Variants in DENND1B observed in about 807,000 individuals in gnomAD.
DENND1B encodes the protein DENN domain-containing protein 1B.
Under a neutral mutation model 90.1 loss-of-function variants are expected in DENND1B, and 59 were observed. That is an observed-to-expected ratio of 0.65 (90% CI 0.53 to 0.81). The LOEUF is 0.81. Ranked by LOEUF, DENND1B falls within the 40% of genes least tolerant of loss-of-function variation. DENND1B has a pLI of 0.00. For missense variants in DENND1B, 862 were observed against 912.6 expected, an observed-to-expected ratio of 0.94 and a Z score of 0.71; for synonymous variants, 337 against 324.6, an observed-to-expected ratio of 1.04 and a Z score of -0.41.
chr1:197,627,207 C>T (rs907116620), intron 10 of DENND1B, among the ~76,000 whole-genome samples: 9 of 152,036 alleles, frequency 5.9e-5, no homozygotes, highest in African/African-American at 1.9e-4. Context: ...ATACCAAAGC[C>T]GGGCAGAGAC....
rs774985797 is a variant in DENND1B at position 197,683,152 on chromosome 1, TG to T, written c.127-8984del. Reference sequence around the variant, plus strand: ...AATACAAGGTATCTTGAAAAGAATATGGGTTACACAGTTGTATGCATATGTC... The same window carrying T: ...AATACAAGGTATCTTGAAAAGAATATGGTTACACAGTTGTATGCATATGTC... On this transcript the variant is annotated intron_variant, in intron 3 of 22. Coordinates refer to ENST00000620048, the MANE Select transcript of DENND1B (RefSeq NM_001195215.2). Among the ~76,000 whole-genome samples, 87 of 152,278 alleles carry T rather than the reference TG, an allele frequency of 5.7e-4. No homozygotes were observed. In the East Asian group the frequency reaches 0.012, roughly 20 times the overall value.
intron 15 of DENND1B, among the ~76,000 whole-genome samples, chr1:197,576,254 G>A (rs2125751820): frequency 6.6e-6 from 1 of 152,260 alleles, no homozygotes; most frequent in South Asian, 2.1e-4. Flanking sequence ...ATGTATGTGT[G>A]AAGGAACATT....
chr1:197,701,002 T>C (rs973990543), intron 3 of DENND1B, among the ~76,000 whole-genome samples: 1 of 152,190 alleles, frequency 6.6e-6, no homozygotes, highest in Non-Finnish European at 1.5e-5. Context: ...AGTTCAACCA[T>C]TGTAGAAGAC....
chr1:197,699,904 G>A (rs1482944653), intron 3 of DENND1B, among the ~76,000 whole-genome samples: 1 of 151,988 alleles, frequency 6.6e-6, no homozygotes, highest in Non-Finnish European at 1.5e-5. Context: ...AGCTAACAAG[G>A]GACGTGAAGG....
At chr1:197,744,484 C>T (rs1248589975) in intron 2 of DENND1B, among the ~76,000 whole-genome samples, 1 of 152,140 alleles carries the variant, frequency 6.6e-6, no homozygotes. Context: ...CAATGAGCAA[C>T]AATATTTTAA....
intron 1 of DENND1B, among the ~76,000 whole-genome samples, chr1:197,774,780 G>A (rs190556007): frequency 1.4e-3 from 206 of 152,320 alleles, no homozygotes; most frequent in Non-Finnish European, 2.4e-3. Flanking sequence ...GGCAGCCCCA[G>A]GAGAGTCACA....
At chr1:197,736,661 T>A (rs1662717601) in intron 2 of DENND1B, among the ~76,000 whole-genome samples, 1 of 152,178 alleles carries the variant, frequency 6.6e-6, no homozygotes, top group African/African-American at 2.4e-5. Context: ...ATTAAAATAA[T>A]AAATTCTATG....
intron 16 of DENND1B, among the ~76,000 whole-genome samples, chr1:197,548,143 G>A (rs1342012117): frequency 6.6e-6 from 1 of 152,130 alleles, no homozygotes; most frequent in South Asian, 2.1e-4. Flanking sequence ...TCAAACTATC[G>A]TAGAAAGGTT....
intron 15 of DENND1B, among the ~76,000 whole-genome samples, chr1:197,580,087 CTTTTTTTT>C (rs139056668): frequency 1.6e-4 from 12 of 76,744 alleles, no homozygotes; most frequent in African/African-American, 1.0e-4. Context: ...TTCTTTCTTT[CTTTTTTTT>C]TTTTTTTTTT....
chr1:197,682,932 T>G (rs1029465727), intron 3 of DENND1B, among the ~76,000 whole-genome samples: 1 of 152,194 alleles, frequency 6.6e-6, no homozygotes, highest in Non-Finnish European at 1.5e-5. Context: ...TGGCAACACT[T>G]TACATGTATC....
intron 15 of DENND1B, among the ~76,000 whole-genome samples, chr1:197,569,649 C>T (rs551200985): frequency 6.6e-6 from 1 of 151,746 alleles, no homozygotes; most frequent in East Asian, 1.9e-4. Flanking sequence ...ACTGCAACAA[C>T]ATGATTCAAT....
At chr1:197,574,622 G>C (rs9727209) in intron 15 of DENND1B, among the ~76,000 whole-genome samples, 3,600 of 152,048 alleles carry the variant, frequency 0.024, 148 homozygotes, top group African/African-American at 0.082. Flanking sequence ...AAAAAAGAGC[G>C]CGCATTGCCA....
intron 3 of DENND1B, among the ~76,000 whole-genome samples, chr1:197,696,604 G>A (rs1025072485): frequency 1.3e-5 from 2 of 151,480 alleles, no homozygotes; most frequent in Admixed American, 6.6e-5. Flanking sequence ...CCTACGATAT[G>A]TGTCATAACA....
At chr1:197,647,556 A>G (rs1680836755) in intron 7 of DENND1B, among the ~76,000 whole-genome samples, 1 of 152,230 alleles carries the variant, frequency 6.6e-6, no homozygotes, top group African/African-American at 2.4e-5. Flanking sequence ...TAACAGTATA[A>G]CACTAAATAC....
chr1:197,698,015 C>T (rs1237072588), intron 3 of DENND1B, among the ~76,000 whole-genome samples: 1 of 151,986 alleles, frequency 6.6e-6, no homozygotes, highest in Non-Finnish European at 1.5e-5. Context: ...ATCAACAAGA[C>T]AGAAAATTAA....
intron 15 of DENND1B, among the ~76,000 whole-genome samples, chr1:197,575,680 C>A (rs924261179): frequency 6.6e-6 from 1 of 152,186 alleles, no homozygotes; most frequent in Non-Finnish European, 1.5e-5. Context: ...TTGGAAACAA[C>A]CCAAATGTCC....
chr1:197,633,155 T>A (rs1679482795), intron 10 of DENND1B, among the ~76,000 whole-genome samples: 1 of 152,182 alleles, frequency 6.6e-6, no homozygotes, highest in Non-Finnish European at 1.5e-5. Context: ...ACCAGTTACA[T>A]AAACAAGGGC....
Position 197,747,727 on chromosome 1 carries a change from C to T in DENND1B, c.82+25141G>A, listed in dbSNP as rs78289715. ...CCTCCAACAGCAAAAAGCAGGCATG[C>T]TTACTGCACACTACATGCTACTTGG... On this transcript the variant is annotated intron_variant, in intron 2 of 22. Coordinates refer to ENST00000620048, the MANE Select transcript of DENND1B (RefSeq NM_001195215.2). Among the ~76,000 whole-genome samples the T allele has an allele frequency of 7.6e-3, 1,165 of 152,322 alleles. 14 individuals carry two copies. The highest frequency in any genetic ancestry group is 0.012 in the Non-Finnish European group (814 of 68,020).
chr1:197,747,533 CA>C, intron 2 of DENND1B: 1 of 199,132 alleles, frequency 5.0e-6, no homozygotes, highest in Non-Finnish European at 1.0e-5. Context: ...GGAGAGTTAC[CA>C]AAATGTGACA....
Sources: allele counts gnomAD v4.1 joint callset (sites outside exome capture counted in the v4.1 genomes callset), GRCh38; gene constraint gnomAD v4.1.1; transcripts MANE v1.5; gene names NCBI Gene and HGNC (gene_info 2026-07-23, HGNC 2026-07-21).